GLUD1: variants seen among roughly 807,000 people sequenced by gnomAD.
GLUD1 encodes the protein glutamate dehydrogenase 1.
Under a neutral mutation model 56.0 loss-of-function variants are expected in GLUD1, and 22 were observed. The observed-to-expected ratio is 0.39, with a 90% CI of 0.28 to 0.56. The LOEUF (loss-of-function observed/expected upper bound fraction) is 0.56. Ranked by LOEUF, GLUD1 falls within the 20% of genes least tolerant of loss-of-function variation. GLUD1 has a pLI of 0.58. For synonymous variants in GLUD1, 223 were observed against 269.9 expected, an observed-to-expected ratio of 0.83 and a Z score of 1.70; for missense variants, 451 against 732.0, an observed-to-expected ratio of 0.62 and a Z score of 4.43.
At chr10:87,079,951 C>G (rs1173056213) in intron 1 of GLUD1, among the ~76,000 whole-genome samples, 13 of 134,062 alleles carry the variant, frequency 9.7e-5, no homozygotes, top group South Asian at 2.4e-4. Context: ...CCTCTCCCCA[C>G]GGTCTCCCTC....
chr10:87,084,172 G>A (rs1177014503), intron 1 of GLUD1, among the ~76,000 whole-genome samples: 2 of 152,232 alleles, frequency 1.3e-5, no homozygotes, highest in Non-Finnish European at 2.9e-5. Flanking sequence ...AAGGGCAGGG[G>A]ATAGAATGAC....
At chr10:87,072,314 A>C (rs115571663) in intron 4 of GLUD1, among the ~76,000 whole-genome samples, 5 of 152,200 alleles carry the variant, frequency 3.3e-5, no homozygotes, top group Non-Finnish European at 5.9e-5. Flanking sequence ...TACAGATTCA[A>C]TGAAATTCCT....
At chr10:87,069,096 A>T (rs1846152432) in intron 4 of GLUD1, among the ~76,000 whole-genome samples, 1 of 152,050 alleles carries the variant, frequency 6.6e-6, no homozygotes, top group Non-Finnish European at 1.5e-5. Context: ...TACAGCATGT[A>T]TAACATGTTC....
At chr10:87,080,781 G>C (rs1841212397) in intron 1 of GLUD1, among the ~76,000 whole-genome samples, 1 of 151,446 alleles carries the variant, frequency 6.6e-6, no homozygotes. Flanking sequence ...CCTCCGCCTG[G>C]CAGCCACCCC....
chr10:87,057,990 T>G (rs926476345), intron 10 of GLUD1, among the ~76,000 whole-genome samples: 1 of 152,120 alleles, frequency 6.6e-6, no homozygotes, highest in Non-Finnish European at 1.5e-5. Flanking sequence ...TGCCTCAGCC[T>G]TGCGAGTAGC....
chr10:87,052,154 G>A (rs756976438), intron 12 of GLUD1, among the ~76,000 whole-genome samples: 6 of 151,912 alleles, frequency 3.9e-5, no homozygotes, highest in South Asian at 2.1e-4. Context: ...GTTCAAGACC[G>A]GACTTGCCAA....
chr10:87,094,543 C>A lies in GLUD1; in HGVS notation c.227G>T (p.Arg76Leu). 6.2e-7 allele frequency: 1 copy of A among 1,612,492 alleles called. No individual in the cohort carries two copies. Residue 76 changes from arginine to leucine, a missense_variant, in exon 1 of 13, where the codon CGC becomes CTC. Arg to Leu is a moderately radical substitution (Grantham distance 102, BLOSUM62 -2). Coordinates refer to ENST00000277865, the MANE Select transcript of GLUD1 (RefSeq NM_005271.5). This position sits in a 1 kb window ranked among gnomAD's most constrained non-coding sequence, Gnocchi z 6.6. Reference protein sequence around the residue: ...FFKMVEGFFDRGASIVEDKLV... With the variant: ...FFKMVEGFFDLGASIVEDKLV... ...CTTGTCCTCCACGATGCTGGCGCCG[C>A]GATCGAAGAAGCCCTCCACCATCTT... is the stretch of plus-strand genomic sequence containing the variant.
At position 87,062,868 on chromosome 10, in the gene GLUD1, T is replaced by C. The variant is rs1564767029; in HGVS notation, c.742-33A>G. Reference sequence around the variant, plus strand: ...AGGGGGTAATTGAAAGAATGAAATGTCAAGTCCAATTTCTCTGTTGAAGGA... The same window carrying C: ...AGGGGGTAATTGAAAGAATGAAATGCCAAGTCCAATTTCTCTGTTGAAGGA... On this transcript the variant is annotated intron_variant, in intron 5 of 12. Coordinates refer to ENST00000277865, the MANE Select transcript of GLUD1 (RefSeq NM_005271.5). The C allele has an allele frequency of 2.5e-6, 4 of 1,589,496 alleles. No homozygotes were observed. In the East Asian group the frequency reaches 6.7e-5, roughly 27 times the overall value.
chr10:87,083,903 T>C (rs553529324), intron 1 of GLUD1, among the ~76,000 whole-genome samples: 1 of 152,308 alleles, frequency 6.6e-6, no homozygotes, highest in East Asian at 1.9e-4. Context: ...TGGGATCAAC[T>C]GGGTCTTTGG....
At chr10:87,073,227 AT>A (rs1441834354) in intron 4 of GLUD1, among the ~76,000 whole-genome samples, 2 of 152,188 alleles carry the variant, frequency 1.3e-5, no homozygotes, top group East Asian at 3.8e-4. Flanking sequence ...CAGTGGCACA[AT>A]CATAGCTCAC....
intron 1 of GLUD1, among the ~76,000 whole-genome samples, chr10:87,091,161 T>C (rs1841502541): frequency 6.6e-6 from 1 of 152,160 alleles, no homozygotes; most frequent in African/African-American, 2.4e-5. Flanking sequence ...ATCAACTATA[T>C]GTAAATTATG....
intron 1 of GLUD1, among the ~76,000 whole-genome samples, chr10:87,078,116 C>T (rs1304370909): frequency 3.3e-5 from 5 of 152,128 alleles, no homozygotes; most frequent in African/African-American, 4.8e-5. Flanking sequence ...AGAGCATATT[C>T]TAAGCTGAAC....
intron 11 of GLUD1, among the ~76,000 whole-genome samples, chr10:87,055,265 G>A (rs540922080): frequency 6.6e-6 from 1 of 152,118 alleles, no homozygotes; most frequent in Admixed American, 6.6e-5. Flanking sequence ...AGACTGGGGA[G>A]TGACTGTAAT....
intron 4 of GLUD1, among the ~76,000 whole-genome samples, chr10:87,071,745 C>T (rs1846244004): frequency 6.6e-6 from 1 of 152,202 alleles, no homozygotes; most frequent in South Asian, 2.1e-4. Context: ...CACTCCTCAA[C>T]TCATTCCATG....
At chr10:87,093,792 C>A in intron 1 of GLUD1, 1 of 566,578 alleles carries the variant, frequency 1.8e-6, no homozygotes, top group South Asian at 1.6e-5. Context: ...TTAGTAAATT[C>A]CTTTGGTTAA....
intron 1 of GLUD1, among the ~76,000 whole-genome samples, chr10:87,085,563 GA>G (rs1201666076): frequency 1.3e-5 from 2 of 151,970 alleles, no homozygotes; most frequent in African/African-American, 4.8e-5. Context: ...ACACATCAAA[GA>G]AAAAACGGAA....
At position 87,060,313 on chromosome 10, in the gene GLUD1, G is replaced by A. The variant is rs554081358; in HGVS notation, c.1198-72C>T. On this transcript the variant is annotated intron_variant, in intron 8 of 12. Coordinates refer to ENST00000277865, the MANE Select transcript of GLUD1 (RefSeq NM_005271.5). Reference sequence around the variant, plus strand: ...ATCCCCTCCACTGAGGGCAAGAGATGTGCATATATGAACAAGGGGCTGTGG... The same window carrying A: ...ATCCCCTCCACTGAGGGCAAGAGATATGCATATATGAACAAGGGGCTGTGG... The A allele has an allele frequency of 8.3e-6, 8 of 965,912 alleles. No homozygotes were observed. The African/African-American group carries it at 9.6e-5, about 12-fold the overall frequency. 59.8% of individuals were successfully genotyped at this position (965,912 alleles called of 1,614,324 possible). A position where few individuals can be genotyped will look rare whatever the true frequency, so the allele number is the denominator to read the frequency against.
chr10:87,059,064 G>A, intron 10 of GLUD1, 86 bp downstream of exon 10: 1 of 1,433,636 alleles, frequency 7.0e-7, no homozygotes, highest in South Asian at 1.1e-5. Flanking sequence ...TTTCCCAAAG[G>A]GATCAGTTCT....
chr10:87,090,235 A>C (rs1269576758), intron 1 of GLUD1, among the ~76,000 whole-genome samples: 1 of 152,224 alleles, frequency 6.6e-6, no homozygotes, highest in Non-Finnish European at 1.5e-5. Context: ...TGAATTATTA[A>C]CAGCGGTAAA....
Sources: allele counts gnomAD v4.1 joint callset (sites outside exome capture counted in the v4.1 genomes callset), GRCh38; gene constraint gnomAD v4.1.1; non-coding constraint Gnocchi (gnomAD v3.1); transcripts MANE v1.5; gene names NCBI Gene and HGNC (gene_info 2026-07-23, HGNC 2026-07-21).